SLC16A2: variants seen among roughly 807,000 people sequenced by gnomAD.
The protein encoded by SLC16A2 is solute carrier family 16 member 2.
A neutral mutation model predicts 27.2 loss-of-function variants in SLC16A2; 3 were observed. The ratio of observed to expected loss-of-function variants is 0.11; its 90% confidence interval spans 0.05 to 0.28. The LOEUF (loss-of-function observed/expected upper bound fraction) is 0.28, where lower values mean the gene tolerates loss of function less well. Ranked by LOEUF, SLC16A2 falls within the 10% of genes least tolerant of loss-of-function variation. SLC16A2 has a pLI of 1.00. For missense variants in SLC16A2, 295 were observed against 458.5 expected, an observed-to-expected ratio of 0.64 and a Z score of 3.26; for synonymous variants, 202 against 187.8, an observed-to-expected ratio of 1.08 and a Z score of -0.62.
intron 1 of SLC16A2, among the ~76,000 whole-genome samples, chrX:74,487,048 T>C (rs1355628412): frequency 8.9e-6 from 1 of 111,929 alleles, no homozygotes; most frequent in Non-Finnish European, 1.9e-5. Context: ...TATAATTCTA[T>C]TAACCTGTAG....
intron 3 of SLC16A2, 92 bp downstream of exon 3, chrX:74,524,901 G>A: frequency 1.3e-6 from 1 of 789,318 alleles, no homozygotes; most frequent in Admixed American, 2.4e-5. Context: ...GGGAGACATT[G>A]AAAGGGCAGA....
chrX:74,533,085 C>T lies in SLC16A2; in HGVS notation c.*1532C>T, dbSNP rs1254665529. 2.7e-5 allele frequency: 3 copies of T among 112,111 alleles called. No homozygotes were observed. The highest frequency in any genetic ancestry group is 5.6e-5 in the Non-Finnish European group (3 of 53,104). 9.2% of individuals were successfully genotyped at this position (112,111 alleles called of 1,213,427 possible). Reference sequence around the variant, plus strand: ...CTTTGTCTATTGTGTTCCTGTCACCCACCCTTTCATCATCTTTTTGCCAGG... The same window carrying T: ...CTTTGTCTATTGTGTTCCTGTCACCTACCCTTTCATCATCTTTTTGCCAGG... On this transcript the variant is annotated 3_prime_UTR_variant, in exon 6 of 6. Transcript: ENST00000587091.
intron 1 of SLC16A2, among the ~76,000 whole-genome samples, chrX:74,491,589 A>AT (rs2147859606): frequency 8.9e-6 from 1 of 112,038 alleles, no homozygotes; most frequent in African/African-American, 3.2e-5. Flanking sequence ...ACTTCCCATC[A>AT]TGGCCTGAAA....
At chrX:74,518,484 G>A (rs1010023986) in intron 1 of SLC16A2, among the ~76,000 whole-genome samples, 23 of 109,715 alleles carry the variant, frequency 2.1e-4, no homozygotes, top group African/African-American at 2.7e-4. Flanking sequence ...CCAGCTACCC[G>A]GGAGGCTGAG....
Position 74,435,058 on chromosome X carries a change from C to T in SLC16A2, c.430+12991C>T, listed in dbSNP as rs1216203757. Among the ~76,000 whole-genome samples, 3 of 109,042 alleles carry T rather than the reference C, an allele frequency of 2.8e-5. No homozygotes were observed. The East Asian group carries it at 8.7e-4, about 31-fold the overall frequency. 94.7% of individuals were successfully genotyped at this position (109,042 alleles called of 115,157 possible). On this transcript the variant is annotated intron_variant, in intron 1 of 5. Coordinates refer to ENST00000587091, the MANE Select transcript of SLC16A2 (RefSeq NM_006517.5). The stretch of plus-strand genomic sequence containing the variant: ...TGTTGGTCAGGCTGGTCTTGAACTC[C>T]TGACCTTGTGATCCGCCTGCCTCGG...
chrX:74,469,372 C>G (rs949847932), intron 1 of SLC16A2, among the ~76,000 whole-genome samples: 2 of 111,634 alleles, frequency 1.8e-5, no homozygotes, highest in African/African-American at 6.5e-5. Context: ...ATGGTGGTAA[C>G]TTGATGTTTA....
At chrX:74,445,370 C>A (rs1185465070) in intron 1 of SLC16A2, among the ~76,000 whole-genome samples, 1 of 110,690 alleles carries the variant, frequency 9.0e-6, no homozygotes, top group African/African-American at 3.3e-5. Flanking sequence ...CACTACCTTT[C>A]TGCCTCCTTC....
At chrX:74,446,214 T>C (rs1033100872) in intron 1 of SLC16A2, among the ~76,000 whole-genome samples, 4 of 111,243 alleles carry the variant, frequency 3.6e-5, no homozygotes, top group African/African-American at 1.3e-4. Context: ...AGTCTAGAAT[T>C]CCCAAAGCAT....
At position 74,497,220 on chromosome X, in the gene SLC16A2, G is replaced by C. The variant is rs187691319; in HGVS notation, c.431-23770G>C. Among the ~76,000 whole-genome samples the C allele has an allele frequency of 8.1e-4, 91 of 111,901 alleles. 1 individual carries two copies. The highest frequency in any genetic ancestry group is 2.8e-3 in the African/African-American group (86 of 30,837). On this transcript the variant is annotated intron_variant, in intron 1 of 5. Transcript: ENST00000587091. ...GGGTGAAGCCCCAGCCAGGGGCCAGGACCTTAACCCCTTGTATCATTTAAA... is the reference window on the plus strand; with the variant it reads ...GGGTGAAGCCCCAGCCAGGGGCCAGCACCTTAACCCCTTGTATCATTTAAA...
Position 74,421,831 on chromosome X carries a change from C to T in SLC16A2, c.194C>T (p.Pro65Leu), listed in dbSNP as rs748528906. The change falls in exon 1 of 6, where the codon CCG (proline) becomes CTG (leucine). Residue 65 changes from proline to leucine, a missense_variant. Physicochemically the swap from Pro to Leu is moderately conservative, Grantham distance 98. Around this residue, in one of 3 missense-constraint regions of SLC16A2, gnomAD observed 92 missense variants for 85.1 expected, o/e 1.08. Coordinates refer to ENST00000587091, the MANE Select transcript of SLC16A2 (RefSeq NM_006517.5). ...PQPLPDPAPL[P>L]ELEFESERVH... is the part of the protein sequence containing the mutation. ...CCCCTACCGGACCCCGCACCCCTGC[C>T]GGAGCTGGAGTTCGAGTCCGAGCGG... 5 of 1,193,862 alleles carry T rather than the reference C, an allele frequency of 4.2e-6. No individual in the cohort carries two copies. The highest frequency in any genetic ancestry group is 1.7e-5 in the African/African-American group (1 of 57,549).
rs185266491 is a variant in SLC16A2, at chrX:74,426,742, C to G, written c.430+4675C>G. On this transcript the variant is annotated intron_variant, in intron 1 of 5. Transcript: ENST00000587091. ...AAATTATGTGATATCTTATTCTTTA[C>G]TATTCATATGTCATACATTTTGACT... 8.1e-4 allele frequency among the ~76,000 whole-genome samples: 91 copies of G among 112,538 alleles called. 1 individual carries two copies. Among genetic ancestry groups the G allele is most frequent in the African/African-American group, 2.5e-3 (76 of 30,979 alleles).
intron 1 of SLC16A2, among the ~76,000 whole-genome samples, chrX:74,475,771 G>C (rs1446099650): frequency 1.8e-5 from 2 of 111,661 alleles, no homozygotes; most frequent in Non-Finnish European, 3.8e-5. Flanking sequence ...TCTCAGGTTT[G>C]TCAAAGATCA....
chrX:74,493,175 G>A (rs1438723474), intron 1 of SLC16A2, among the ~76,000 whole-genome samples: 5 of 111,854 alleles, frequency 4.5e-5, no homozygotes, highest in Non-Finnish European at 7.5e-5. Flanking sequence ...AGGGACAGAG[G>A]TAAGTAACCA....
intron 1 of SLC16A2, among the ~76,000 whole-genome samples, chrX:74,519,877 G>T (rs1275657524): frequency 1.8e-5 from 2 of 111,067 alleles, no homozygotes; most frequent in Admixed American, 9.6e-5. Context: ...GATAGGAGAT[G>T]AAATGGCAAG....
chrX:74,491,847 G>T (rs192156722), intron 1 of SLC16A2, among the ~76,000 whole-genome samples: 70 of 112,530 alleles, frequency 6.2e-4, no homozygotes, highest in African/African-American at 2.0e-3. Flanking sequence ...AATTTCGCCA[G>T]TTGCAGTTTT....
At chrX:74,483,168 A>G (rs1402678589) in intron 1 of SLC16A2, among the ~76,000 whole-genome samples, 5 of 111,347 alleles carry the variant, frequency 4.5e-5, no homozygotes, top group Non-Finnish European at 9.4e-5. Flanking sequence ...GGGCATGTAC[A>G]CAGTATCTAC....
intron 1 of SLC16A2, among the ~76,000 whole-genome samples, chrX:74,464,315 A>G (rs1297640928): frequency 8.9e-6 from 1 of 112,134 alleles, no homozygotes; most frequent in Non-Finnish European, 1.9e-5. Flanking sequence ...TCCAGCAGAA[A>G]CTGACTTGGG....
intron 1 of SLC16A2, among the ~76,000 whole-genome samples, chrX:74,504,964 CG>C (rs774792463): frequency 1.3e-3 from 147 of 111,451 alleles, no homozygotes; most frequent in African/African-American, 4.4e-3. Context: ...CACTCCAACC[CG>C]GGTGACAGAG....
chrX:74,512,307 T>A (rs1930246870), intron 1 of SLC16A2, among the ~76,000 whole-genome samples: 1 of 112,302 alleles, frequency 8.9e-6, no homozygotes, highest in African/African-American at 3.2e-5. Flanking sequence ...ATGGTGCCAT[T>A]CTCTCCACTT....
Sources: gnomAD v4.1 joint callset for allele counts (sites outside exome capture counted in the v4.1 genomes callset) on GRCh38, gnomAD v4.1.1 for gene constraint, gnomAD v4.1.1 regional missense constraint, MANE v1.5 for transcripts, NCBI Gene and HGNC (gene_info 2026-07-23, HGNC 2026-07-21) for gene names.